ZNF66: variants seen among roughly 807,000 people sequenced by gnomAD.
ZNF66 encodes the protein putative zinc finger protein 66.
In ZNF66, 32 loss-of-function variants were observed where a neutral mutation model predicts 35.2. That is an observed-to-expected ratio of 0.91 (90% CI 0.69 to 1.22). The LOEUF is 1.22. Ranked by LOEUF, ZNF66 falls within the 50% of genes most tolerant of loss-of-function variation. ZNF66 has a pLI of 0.00. For synonymous variants in ZNF66, 231 were observed against 181.3 expected, an observed-to-expected ratio of 1.27 and a Z score of -2.20; for missense variants, 666 against 543.1, an observed-to-expected ratio of 1.23 and a Z score of -2.25.
Position 20,797,266 on chromosome 19 carries a change from C to T in ZNF66, c.226+3388C>T, listed in dbSNP as rs1371721142. Among the ~76,000 whole-genome samples the T allele has an allele frequency of 9.4e-5, 9 of 96,224 alleles. 1 individual carries two copies. The highest frequency in any genetic ancestry group is 3.1e-4 in the East Asian group (1 of 3,210). The allele number at this position is 96,224 out of a possible 152,430, so 63.1% of individuals were successfully genotyped here. A position where few individuals can be genotyped will look rare whatever the true frequency, so the allele number is the denominator to read the frequency against. On this transcript the variant is annotated intron_variant, in intron 3 of 3. Coordinates refer to ENST00000344519, the MANE Select transcript of ZNF66 (RefSeq NM_001355197.2). Reference sequence around the variant, plus strand: ...TGTCGCCCAGGCTGGAGTGCAGTGGCGCAATCTCGGCTCACTGCAGGCTCC... The same window carrying T: ...TGTCGCCCAGGCTGGAGTGCAGTGGTGCAATCTCGGCTCACTGCAGGCTCC...
chr19:20,793,346 T>TTTC (rs879177295), intron 2 of ZNF66, among the ~76,000 whole-genome samples: 11 of 145,330 alleles, frequency 7.6e-5, no homozygotes, highest in African/African-American at 2.8e-4. Context: ...TTTTTTTTTT[T>TTTC]TTGAGACAGA....
chr19:20,804,869 A>AT (rs1971484571), intron 3 of ZNF66, among the ~76,000 whole-genome samples: 5 of 152,118 alleles, frequency 3.3e-5, no homozygotes, highest in Admixed American at 3.3e-4. Flanking sequence ...ATCAGTAATC[A>AT]CTTGCTAGAC....
chr19:20,792,260 T>C (rs79974298), intron 1 of ZNF66, among the ~76,000 whole-genome samples: 2 of 152,248 alleles, frequency 1.3e-5, no homozygotes, highest in African/African-American at 4.8e-5. Flanking sequence ...TTTGTGTTCA[T>C]GCCCTTAATT....
intron 1 of ZNF66, among the ~76,000 whole-genome samples, chr19:20,782,245 A>G (rs1390056203): frequency 1.3e-5 from 2 of 152,202 alleles, no homozygotes; most frequent in Non-Finnish European, 2.9e-5. Context: ...GCTTCTGACC[A>G]TACCATATTT....
At chr19:20,787,663 T>C (rs1240472156) in intron 1 of ZNF66, among the ~76,000 whole-genome samples, 3 of 152,152 alleles carry the variant, frequency 2.0e-5, no homozygotes, top group Non-Finnish European at 4.4e-5. Context: ...CAGGAGGAAA[T>C]AGAATCTGAT....
intron 1 of ZNF66, among the ~76,000 whole-genome samples, chr19:20,786,341 A>T (rs1971286822): frequency 6.6e-6 from 1 of 152,128 alleles, no homozygotes; most frequent in Non-Finnish European, 1.5e-5. Context: ...CAATCATTTT[A>T]CCTCTTTCAC....
rs1038786611 is a variant in ZNF66, at chr19:20,808,897, C to T, written c.*1575C>T. ...AAGGCTTCAGACGATCAAACTACTCCGAGCTACAGGAGGAAATTCAAACCA... is the reference window on the plus strand; with the variant it reads ...AAGGCTTCAGACGATCAAACTACTCTGAGCTACAGGAGGAAATTCAAACCA... On this transcript the variant is annotated 3_prime_UTR_variant, in exon 4 of 4. Coordinates refer to ENST00000344519, the MANE Select transcript of ZNF66 (RefSeq NM_001355197.2). 4.6e-5 allele frequency among the ~76,000 whole-genome samples: 7 copies of T among 151,752 alleles called. No homozygotes were observed. Among genetic ancestry groups the T allele is most frequent in the South Asian group, 2.1e-4 (1 of 4,802 alleles).
At chr19:20,784,230 A>T (rs996045356) in intron 1 of ZNF66, among the ~76,000 whole-genome samples, 1 of 152,190 alleles carries the variant, frequency 6.6e-6, no homozygotes, top group Non-Finnish European at 1.5e-5. Context: ...ATTGTAATTT[A>T]TACTTTTGAA....
chr19:20,778,938 G>A (rs1175274115), intron 1 of ZNF66, among the ~76,000 whole-genome samples: 1 of 150,730 alleles, frequency 6.6e-6, no homozygotes, highest in Admixed American at 6.6e-5. Context: ...GTGACTCCAA[G>A]CTAAGGCTAA....
chr19:20,789,462 G>C (rs1198883357), intron 1 of ZNF66, among the ~76,000 whole-genome samples: 1 of 152,178 alleles, frequency 6.6e-6, no homozygotes, highest in Non-Finnish European at 1.5e-5. Flanking sequence ...ATGTATTTTA[G>C]GGTCCTAGAT....
intron 1 of ZNF66, among the ~76,000 whole-genome samples, chr19:20,786,464 C>G (rs1441704220): frequency 8.0e-6 from 1 of 125,176 alleles, no homozygotes; most frequent in East Asian, 2.0e-4. Flanking sequence ...TCTCCACTTT[C>G]TTCTTCCTCC....
At chr19:20,788,053 A>T (rs1337820547) in intron 1 of ZNF66, among the ~76,000 whole-genome samples, 2 of 152,182 alleles carry the variant, frequency 1.3e-5, no homozygotes, top group Admixed American at 1.3e-4. Flanking sequence ...GTGTAAGAGA[A>T]ATGAGTCATC....
intron 3 of ZNF66, 131 bp downstream of exon 3, chr19:20,794,009 T>TTTTTTGC: frequency 1.9e-6 from 1 of 539,014 alleles, no homozygotes; most frequent in Non-Finnish European, 3.3e-6. Flanking sequence ...GTTTTTTTTG[T>TTTTTTGC]TTTTTGTTTT....
chr19:20,797,299 G>A (rs1971404101), intron 3 of ZNF66, among the ~76,000 whole-genome samples: 1 of 116,948 alleles, frequency 8.6e-6, no homozygotes, highest in African/African-American at 3.2e-5. Flanking sequence ...TCCGCCCCCT[G>A]GGGTTCACGC....
chr19:20,785,751 G>GTTTTTTTTTT (rs1171317364), intron 1 of ZNF66, among the ~76,000 whole-genome samples: 3 of 148,730 alleles, frequency 2.0e-5, no homozygotes, highest in African/African-American at 7.5e-5. Context: ...TTCTTTTTCT[G>GTTTTTTTTTT]TTTTTGTTTG....
In ZNF66 at chr19:20,807,226, T is replaced by A. The variant is rs1250615721; in HGVS notation, c.1626T>A (p.Cys542Ter). ...GGAAACCACACAAGTGCAATAAATG[T>A]GGCAAAGCCTTTATTTCATCCTCAA... ...TGGKPHKCNK[C>*]GKAFISSSNL... Residue 542 changes from cysteine to a stop codon, truncating the protein, a stop_gained, in exon 4 of 4, where the codon TGT becomes TGA. Transcript: ENST00000344519. LOFTEE classifies it high-confidence loss of function. The A allele has an allele frequency of 1.4e-6, 1 of 720,990 alleles. No homozygotes were observed. Among genetic ancestry groups the A allele is most frequent in the Non-Finnish European group, 2.5e-6 (1 of 405,186 alleles). The allele number at this position is 720,990 out of a possible 1,614,324, so 44.7% of individuals were successfully genotyped here. A position where few individuals can be genotyped will look rare whatever the true frequency, so the allele number is the denominator to read the frequency against.
chr19:20,796,215 A>G (rs1406998539), intron 3 of ZNF66, among the ~76,000 whole-genome samples: 1 of 150,148 alleles, frequency 6.7e-6, no homozygotes, highest in Non-Finnish European at 1.5e-5. Context: ...TTTGTCAGAG[A>G]TGGCTGACTT....
intron 2 of ZNF66, among the ~76,000 whole-genome samples, chr19:20,792,994 G>C (rs2144902996): frequency 6.6e-6 from 1 of 151,906 alleles, no homozygotes; most frequent in African/African-American, 2.4e-5. Context: ...TTGAACTCAG[G>C]AGGTGAAGGT....
intron 1 of ZNF66, among the ~76,000 whole-genome samples, chr19:20,777,923 G>A (rs551704113): frequency 1.9e-4 from 29 of 152,146 alleles, no homozygotes; most frequent in Admixed American, 3.9e-4. Flanking sequence ...AGGAAAATGT[G>A]GTAGATAATT....
Sources: gnomAD v4.1 joint callset for allele counts (sites outside exome capture counted in the v4.1 genomes callset) on GRCh38, gnomAD v4.1.1 for gene constraint, MANE v1.5 for transcripts, NCBI Gene and HGNC (gene_info 2026-07-23, HGNC 2026-07-21) for gene names.